Variants in SMG5 observed in about 807,000 individuals in gnomAD.
The protein encoded by SMG5 is SMG5 nonsense mediated mRNA decay factor.
In SMG5, 53 loss-of-function variants were observed where a neutral mutation model predicts 122.9. The observed-to-expected ratio is 0.43, with a 90% CI of 0.35 to 0.54. The LOEUF is 0.54. Ranked by LOEUF, SMG5 falls within the 20% of genes least tolerant of loss-of-function variation. The probability of loss-of-function intolerance (pLI) is 0.01; values close to 1 mark genes in which losing one functional copy is unlikely to be tolerated. For synonymous variants in SMG5, 477 were observed against 490.2 expected (o/e 0.97, Z 0.35); for missense variants, 1,153 against 1,285.6 (o/e 0.90, Z 1.58).
At chr1:156,278,880 T>C in intron 2 of SMG5, 56 bp downstream of exon 2, 3 of 1,433,972 alleles carry the variant, frequency 2.1e-6, no homozygotes, top group Non-Finnish European at 3.0e-6. Flanking sequence ...AGAAGGTTTC[T>C]GGTAGAGATA....
At position 156,266,621 on chromosome 1, in the gene SMG5, A is replaced by G; in HGVS notation, c.1175T>C (p.Val392Ala). ...AFTLALFSHL[V>A]NHVNIRLQAE... ...CTGCAGCCGTATGTTGACATGATTG[A>G]CGAGGTGGGAAAAGAGGGCCAGGGT... Residue 392 changes from valine (V) to alanine (A), a missense_variant, in exon 11 of 22, where the codon GTC (valine) becomes GCC (alanine). Physicochemically the swap from Val to Ala is moderately conservative, Grantham distance 64. Around this residue, in one of 5 missense-constraint regions of SMG5, gnomAD observed 631 missense variants for 650.6 expected, o/e 0.97. Coordinates refer to ENST00000361813, the MANE Select transcript of SMG5 (RefSeq NM_015327.3). 6.2e-7 allele frequency: 1 copy of G among 1,614,012 alleles called. No homozygotes were observed. The highest frequency in any genetic ancestry group is 8.5e-7 in the Non-Finnish European group (1 of 1,180,012).
At chr1:156,275,625 C>T (rs1662648246) in intron 4 of SMG5, among the ~76,000 whole-genome samples, 2 of 152,174 alleles carry the variant, frequency 1.3e-5, no homozygotes, top group Non-Finnish European at 1.5e-5. Context: ...TTGGAAAAGC[C>T]AGTCCTAATG....
In SMG5 at chr1:156,277,950, A is replaced by T; in HGVS notation, c.272T>A (p.Ile91Asn). Residue 91 changes from isoleucine to asparagine, a missense_variant, in exon 3 of 22, where the codon ATC becomes AAC. Around this residue, in one of 5 missense-constraint regions of SMG5, gnomAD observed 213 missense variants for 197.5 expected, o/e 1.08. Coordinates refer to ENST00000361813, the MANE Select transcript of SMG5 (RefSeq NM_015327.3). ...CTTTTTGTTAGTCTTGATAAGCTGGATAACTTCATAGTATACCTTTCTCCA... is the reference window on the plus strand; with the variant it reads ...CTTTTTGTTAGTCTTGATAAGCTGGTTAACTTCATAGTATACCTTTCTCCA... ...LLWRKVYYEVIQLIKTNKKHI... is the reference protein window; with the variant it reads ...LLWRKVYYEVNQLIKTNKKHI... The T allele has an allele frequency of 6.2e-7, 1 of 1,614,088 alleles. No individual in the cohort carries two copies. The highest frequency in any genetic ancestry group is 2.2e-5 in the East Asian group (1 of 44,888).
Position 156,282,731 on chromosome 1 carries a change from A to T in SMG5, c.-51T>A. The T allele has an allele frequency of 6.5e-7, 1 of 1,536,280 alleles. No individual in the cohort carries two copies. On this transcript the variant is annotated 5_prime_UTR_variant, in exon 1 of 22. Transcript: ENST00000361813. ...CGGTCACAGGCCCCTGCCACCCACC[A>T]CTACCGCCAACACTGCCGTCTCCGG...
intron 2 of SMG5, 82 bp downstream of exon 2, chr1:156,278,854 C>T (rs376266645): frequency 6.1e-6 from 7 of 1,143,284 alleles, no homozygotes; most frequent in South Asian, 1.3e-5. Flanking sequence ...AAACAGAGTG[C>T]GTGTTTATAT....
chr1:156,286,159 G>C, upstream of SMG5: 2 of 1,386,658 alleles, frequency 1.4e-6, no homozygotes, highest in Non-Finnish European at 2.0e-6. Flanking sequence ...CCACTGTGTA[G>C]AGCCCATGCA....
intron 16 of SMG5, 190 bp from the exon 17 acceptor site, chr1:156,253,698 C>G: frequency 1.6e-6 from 1 of 621,968 alleles, no homozygotes; most frequent in Non-Finnish European, 2.9e-6. Flanking sequence ...TGAACAACTT[C>G]CATTACCAAC....
chr1:156,252,382 G>T (rs777792611), intron 19 of SMG5, 32 bp downstream of exon 19: 3 of 1,603,378 alleles, frequency 1.9e-6, no homozygotes, highest in Admixed American at 3.3e-5. Context: ...CAGACCCAGG[G>T]CTCAGCACAG....
In SMG5 at chr1:156,269,896, C is replaced by T. The variant is rs112749340; in HGVS notation, c.714-1481G>A. ...TCTCAAAAAAAGAAAAAAAATTAGCCAGGCATGGTGGCATGCGCCTTTAAT... is the reference window on the plus strand; with the variant it reads ...TCTCAAAAAAAGAAAAAAAATTAGCTAGGCATGGTGGCATGCGCCTTTAAT... On this transcript the variant is annotated intron_variant, in intron 7 of 21. Coordinates refer to ENST00000361813, the MANE Select transcript of SMG5 (RefSeq NM_015327.3). Among the ~76,000 whole-genome samples, 191 of 152,092 alleles carry T rather than the reference C, an allele frequency of 1.3e-3. 1 individual carries two copies. Among genetic ancestry groups the T allele is most frequent in the African/African-American group, 4.4e-3 (182 of 41,506 alleles).
At chr1:156,260,224 C>T (rs1661755737) in intron 15 of SMG5, among the ~76,000 whole-genome samples, 1 of 152,154 alleles carries the variant, frequency 6.6e-6, no homozygotes, top group South Asian at 2.1e-4. Context: ...GGTTGTTCTA[C>T]AATAGTAGAA....
rs527588030 is a variant in SMG5, at chr1:156,258,611, C to T, written c.2442+394G>A. 4.2e-4 allele frequency among the ~76,000 whole-genome samples: 64 copies of T among 152,280 alleles called. No individual in the cohort carries two copies. In the South Asian group the frequency reaches 0.011, roughly 26 times the overall value. ...AAGAGATCGAGACCATCCTGGCCTA[C>T]ATGGTGAAACCCTGTCTCTACTAAA... On this transcript the variant is annotated intron_variant, in intron 16 of 21. Transcript: ENST00000361813.
chr1:156,253,590 GGGGTCTC>G, intron 16 of SMG5, 82 bp from the exon 17 acceptor site: 1 of 1,344,576 alleles, frequency 7.4e-7, no homozygotes, highest in East Asian at 2.3e-5. Flanking sequence ...AGGGTTTCCT[GGGGTCTC>G]AGTGTGACCT....
chr1:156,290,308 C>T, the SMG5 span: 1 of 153,142 alleles, frequency 6.5e-6, no homozygotes, highest in South Asian at 2.1e-4. Context: ...TTTCTTTCTT[C>T]TTCTTCTTCC....
rs1663023159 is a variant in SMG5 at position 156,282,754 on chromosome 1, C to T, written c.-74G>A. On this transcript the variant is annotated 5_prime_UTR_variant, in exon 1 of 22. Coordinates refer to ENST00000361813, the MANE Select transcript of SMG5 (RefSeq NM_015327.3). ...CCACTACCGCCAACACTGCCGTCTC[C>T]GGCCGTAGCCGCAGCCGCCGCCGCC... 5.5e-6 allele frequency: 8 copies of T among 1,459,698 alleles called. No homozygotes were observed. In the Admixed American group the frequency reaches 1.4e-4, roughly 25 times the overall value. 90.4% of individuals were successfully genotyped at this position (1,459,698 alleles called of 1,614,324 possible).
In SMG5 at chr1:156,251,470, G is replaced by C; in HGVS notation, c.2761C>G (p.Arg921Gly). The change falls in exon 20 of 22, where the codon CGC becomes GGC. Residue 921 changes from arginine (R) to glycine (G), a missense_variant. Arg to Gly is a moderately radical substitution (Grantham distance 125). Transcript: ENST00000361813. ...CTCTTTCCCACCTCTTTCTGGCAGC[G>C]AATGTACCTGCAGAGGAGATGTGCG... is the stretch of plus-strand genomic sequence containing the variant. ...AEFKKGNRYI[R>G]CQKEVGKSFE... The C allele has an allele frequency of 1.2e-6, 2 of 1,614,018 alleles. No individual in the cohort carries two copies. The highest frequency in any genetic ancestry group is 1.1e-5 in the South Asian group (1 of 91,066).
Position 156,250,482 on chromosome 1 carries a change from G to T in SMG5, c.*105C>A. ...AGCTAGGCCTCCCTCCTGTGTGCGT[G>T]CATGAGTCTGCGTGTGGTGGGGTGA... On this transcript the variant is annotated 3_prime_UTR_variant, in exon 22 of 22. Coordinates refer to ENST00000361813, the MANE Select transcript of SMG5 (RefSeq NM_015327.3). The T allele has an allele frequency of 1.0e-6, 1 of 988,322 alleles. No individual in the cohort carries two copies. The highest frequency in any genetic ancestry group is 1.6e-6 in the Non-Finnish European group (1 of 621,378). The allele number at this position is 988,322 out of a possible 1,614,324, so 61.2% of individuals were successfully genotyped here. A position where few individuals can be genotyped will look rare whatever the true frequency, so the allele number is the denominator to read the frequency against.
At chr1:156,265,645 C>T (rs1558238286) in intron 12 of SMG5, 136 bp downstream of exon 12, 1 of 1,326,284 alleles carries the variant, frequency 7.5e-7, no homozygotes, top group Non-Finnish European at 1.0e-6. Flanking sequence ...AACTCATGGG[C>T]TACACCACAG....
At chr1:156,285,587 C>A (rs767322938), upstream of SMG5, 1 of 1,614,250 alleles carries the variant, frequency 6.2e-7, no homozygotes, top group South Asian at 1.1e-5. Context: ...TGCCAACCTG[C>A]TGCCTGAGAA....
At chr1:156,256,261 G>A (rs1661570959) in intron 16 of SMG5, among the ~76,000 whole-genome samples, 2 of 149,436 alleles carry the variant, frequency 1.3e-5, no homozygotes, top group Admixed American at 6.7e-5. Context: ...GTAAACAAAT[G>A]AAAGAATGGA....
Sources: allele counts gnomAD v4.1 joint callset (sites outside exome capture counted in the v4.1 genomes callset), GRCh38; gene constraint gnomAD v4.1.1; regional missense constraint gnomAD v4.1.1; transcripts MANE v1.5; gene names NCBI Gene and HGNC (gene_info 2026-07-23, HGNC 2026-07-21).